MPRIP: variants seen among roughly 807,000 people sequenced by gnomAD.
MPRIP encodes the protein myosin phosphatase Rho interacting protein, also known as myosin phosphatase Rho-interacting protein.
Under a neutral mutation model 234.9 loss-of-function variants are expected in MPRIP, and 59 were observed. The observed-to-expected ratio is 0.25, with a 90% confidence interval of 0.20 to 0.31. The LOEUF (loss-of-function observed/expected upper bound fraction) is 0.31, where lower values mean the gene tolerates loss of function less well. MPRIP is among the 10% of genes least tolerant of loss of function. The pLI is 1.00. For missense variants in MPRIP, 2,436 were observed against 3,071.0 expected, an observed-to-expected ratio of 0.79 and a Z score of 4.89; for synonymous variants, 1,144 against 1,263.9, an observed-to-expected ratio of 0.91 and a Z score of 2.01.
chr17:17,177,126 C>G, intron 21 of MPRIP, 124 bp from the exon 22 acceptor site: 1 of 968,482 alleles, frequency 1.0e-6, no homozygotes, highest in South Asian at 1.5e-5. Flanking sequence ...CAGAGGTGAA[C>G]AAGCCTCCTC....
At chr17:17,074,238 G>A (rs2089272024) in intron 1 of MPRIP, among the ~76,000 whole-genome samples, 1 of 152,214 alleles carries the variant, frequency 6.6e-6, no homozygotes, top group Non-Finnish European at 1.5e-5. Flanking sequence ...TTGTGTTACC[G>A]CCCTCCGAAA....
At chr17:17,056,789 T>A (rs1436758479) in intron 1 of MPRIP, among the ~76,000 whole-genome samples, 1 of 152,036 alleles carries the variant, frequency 6.6e-6, no homozygotes, top group Non-Finnish European at 1.5e-5. Context: ...CCCCCGCCTT[T>A]AGTCCCCAGC....
At chr17:17,184,243 A>G (rs1181407130) in intron 23 of MPRIP, among the ~76,000 whole-genome samples, 1 of 152,192 alleles carries the variant, frequency 6.6e-6, no homozygotes, top group Non-Finnish European at 1.5e-5. Context: ...ATCTTACTAG[A>G]TACGTTGGCG....
chr17:17,154,754 G>A (rs1028729945), intron 13 of MPRIP, among the ~76,000 whole-genome samples: 1 of 152,232 alleles, frequency 6.6e-6, no homozygotes, highest in Non-Finnish European at 1.5e-5. Context: ...CTCAGGCCTT[G>A]GGCTCTGCTG....
chr17:17,163,634 C>G (rs535787611), intron 15 of MPRIP, among the ~76,000 whole-genome samples: 1 of 152,114 alleles, frequency 6.6e-6, no homozygotes, highest in Non-Finnish European at 1.5e-5. Context: ...TCCTTCTCCT[C>G]CTGTCTTAGA....
At chr17:17,132,662 C>T (rs564428223) in intron 5 of MPRIP, among the ~76,000 whole-genome samples, 1 of 152,338 alleles carries the variant, frequency 6.6e-6, no homozygotes, top group African/African-American at 2.4e-5. Context: ...ATATACCTGC[C>T]CTGGGCTGCT....
rs377698274 is a variant in MPRIP, at chr17:17,130,430, C to T, written c.420-1187C>T. Reference sequence around the variant, plus strand: ...CTCTTCCTCTCTTCGCTCCTCTATCCCTTTTCCCCCTCCCCTCCTCTCCTC... The same window carrying T: ...CTCTTCCTCTCTTCGCTCCTCTATCTCTTTTCCCCCTCCCCTCCTCTCCTC... On this transcript the variant is annotated intron_variant, in intron 4 of 23. Coordinates refer to ENST00000651222, the MANE Select transcript of MPRIP (RefSeq NM_001364716.4). Among the ~76,000 whole-genome samples the T allele has an allele frequency of 3.2e-4, 48 of 151,556 alleles. No individual in the cohort carries two copies. The East Asian group carries it at 5.6e-3, about 18-fold the overall frequency.
chr17:17,137,575 A>G (rs537665600), intron 6 of MPRIP, among the ~76,000 whole-genome samples: 5 of 150,178 alleles, frequency 3.3e-5, no homozygotes, highest in African/African-American at 1.2e-4. Context: ...GATGTTGGTG[A>G]GAAGCGGTTG....
chr17:17,077,278 C>A (rs953782658), intron 2 of MPRIP: 1 of 152,284 alleles, frequency 6.6e-6, no homozygotes, highest in Admixed American at 6.5e-5. Flanking sequence ...AGTCCCTTCT[C>A]CCCACACAAA....
intron 3 of MPRIP, 79 bp from the exon 4 acceptor site, chr17:17,126,623 T>A (rs960764235): frequency 6.7e-7 from 1 of 1,483,540 alleles, no homozygotes; most frequent in Non-Finnish European, 9.1e-7. Flanking sequence ...GCTGGGAGGG[T>A]CAGGAATGGC....
chr17:17,137,759 G>A (rs907837328), intron 6 of MPRIP, among the ~76,000 whole-genome samples, 157 bp from the exon 7 acceptor site: 8 of 152,122 alleles, frequency 5.3e-5, no homozygotes, highest in South Asian at 2.1e-4. Flanking sequence ...GGTTCTTTCC[G>A]TCTCACTCTG....
At chr17:17,151,542 C>T (rs2045603287) in intron 12 of MPRIP, among the ~76,000 whole-genome samples, 2 of 152,190 alleles carry the variant, frequency 1.3e-5, no homozygotes, top group South Asian at 4.1e-4. Flanking sequence ...CCACCTAAAG[C>T]CCTTCCCGCC....
chr17:17,046,327 A>T (rs553689201), intron 1 of MPRIP, among the ~76,000 whole-genome samples: 1 of 152,166 alleles, frequency 6.6e-6, no homozygotes, highest in Non-Finnish European at 1.5e-5. Context: ...TTGCTGTTAC[A>T]TACAGTGAAT....
intron 23 of MPRIP, among the ~76,000 whole-genome samples, chr17:17,181,185 T>C (rs2046367791): frequency 6.7e-6 from 1 of 148,834 alleles, no homozygotes; most frequent in Admixed American, 6.7e-5. Context: ...GGGCGAAATA[T>C]TTACCAGTAT....
At chr17:17,168,862 C>G in intron 16 of MPRIP, 1 of 456,794 alleles carries the variant, frequency 2.2e-6, no homozygotes, top group Non-Finnish European at 4.4e-6. Flanking sequence ...CACCATTGTG[C>G]TGCAAGCTCC....
intron 3 of MPRIP, among the ~76,000 whole-genome samples, chr17:17,091,008 C>T (rs901424083): frequency 1.3e-5 from 2 of 150,870 alleles, no homozygotes; most frequent in Non-Finnish European, 1.5e-5. Flanking sequence ...ACCTGTGGAG[C>T]GTGCCGGCCA....
intron 3 of MPRIP, among the ~76,000 whole-genome samples, chr17:17,117,865 C>T (rs1018172133): frequency 6.6e-6 from 1 of 152,230 alleles, no homozygotes; most frequent in African/African-American, 2.4e-5. Context: ...AACTGAGGCT[C>T]ACAATTTGCG....
intron 3 of MPRIP, among the ~76,000 whole-genome samples, chr17:17,110,665 A>T (rs935875527): frequency 1.3e-5 from 2 of 152,184 alleles, no homozygotes; most frequent in Non-Finnish European, 2.9e-5. Context: ...CCTTGGAAGG[A>T]TGGGAAGAGA....
Position 17,167,976 on chromosome 17 carries a change from G to A in MPRIP, c.6324+61G>A. On this transcript the variant is annotated intron_variant, in intron 16 of 23. Transcript: ENST00000651222. The surrounding 1 kb of genome is among the most constrained non-coding windows in gnomAD (Gnocchi z 5.9). The stretch of plus-strand genomic sequence containing the variant: ...TCCTTGATAATGGGGTGGGTGTGGG[G>A]ACGTCTGGCTCAGCTACCGTGCAGG... 1 of 1,219,032 alleles carries A rather than the reference G, an allele frequency of 8.2e-7. No homozygotes were observed. The highest frequency in any genetic ancestry group is 1.1e-6 in the Non-Finnish European group (1 of 935,304). 75.5% of individuals were successfully genotyped at this position (1,219,032 alleles called of 1,614,324 possible). A position where few individuals can be genotyped will look rare whatever the true frequency, so the allele number is the denominator to read the frequency against.
Sources: allele counts gnomAD v4.1 joint callset (sites outside exome capture counted in the v4.1 genomes callset), GRCh38; gene constraint gnomAD v4.1.1; non-coding constraint Gnocchi (gnomAD v3.1); transcripts MANE v1.5; gene names NCBI Gene and HGNC (gene_info 2026-07-23, HGNC 2026-07-21).